Variants in CDK13 observed in about 807,000 individuals in gnomAD.
The protein encoded by CDK13 is cyclin-dependent kinase 13.
A neutral mutation model predicts 137.6 loss-of-function variants in CDK13; 40 were observed. The observed-to-expected ratio is 0.29, with a 90% CI of 0.23 to 0.38. The LOEUF is 0.38. CDK13 is among the 10% of genes least tolerant of loss of function. CDK13 has a pLI of 1.00. For missense variants in CDK13, 1,704 were observed against 1,951.8 expected, an observed-to-expected ratio of 0.87 and a Z score of 2.39; for synonymous variants, 869 against 760.1, an observed-to-expected ratio of 1.14 and a Z score of -2.36.
intron 7 of CDK13, among the ~76,000 whole-genome samples, chr7:40,053,760 T>C (rs1487940204): frequency 6.6e-6 from 1 of 151,540 alleles, no homozygotes; most frequent in African/African-American, 2.4e-5. Flanking sequence ...CATTTTTCTT[T>C]TTTTTTTTTA....
intron 1 of CDK13, among the ~76,000 whole-genome samples, chr7:39,972,516 C>T (rs1174167092): frequency 6.6e-6 from 1 of 152,188 alleles, no homozygotes; most frequent in Non-Finnish European, 1.5e-5. Context: ...TTGGTGATTT[C>T]TTTCTGTCTT....
chr7:40,008,718 G>GT lies in CDK13; in HGVS notation c.2353+6694dup, dbSNP rs374616866. 2.8e-3 allele frequency among the ~76,000 whole-genome samples: 431 copies of GT among 152,162 alleles called. 2 individuals are homozygous for GT. The highest frequency in any genetic ancestry group is 9.8e-3 in the African/African-American group (408 of 41,496). On this transcript the variant is annotated intron_variant, in intron 5 of 13. Coordinates refer to ENST00000181839, the MANE Select transcript of CDK13 (RefSeq NM_003718.5). ...CTAAAAAGAGAAATGAACTTGCAGG[G>GT]TTTTTTTAATTGAAAATAACATGTT...
intron 7 of CDK13, among the ~76,000 whole-genome samples, chr7:40,050,619 G>A (rs978802008): frequency 5.3e-5 from 8 of 152,096 alleles, no homozygotes; most frequent in Admixed American, 2.6e-4. Context: ...TCTCGAACTC[G>A]TGACCACAAG....
chr7:39,979,502 C>A (rs946326833), intron 1 of CDK13, among the ~76,000 whole-genome samples: 27 of 152,084 alleles, frequency 1.8e-4, no homozygotes, highest in Admixed American at 1.6e-3. Flanking sequence ...AGGTCTGAGC[C>A]ACCACACGTG....
At chr7:40,020,077 A>T (rs1017770425) in intron 5 of CDK13, among the ~76,000 whole-genome samples, 1 of 151,638 alleles carries the variant, frequency 6.6e-6, no homozygotes, top group Non-Finnish European at 1.5e-5. Flanking sequence ...ACTTTATTTT[A>T]TTTTTTTTGA....
At chr7:40,068,865 C>A (rs1786346734) in intron 9 of CDK13, among the ~76,000 whole-genome samples, 1 of 151,954 alleles carries the variant, frequency 6.6e-6, no homozygotes. Context: ...TTCAAGAAGA[C>A]TAGGGAGGAG....
intron 5 of CDK13, among the ~76,000 whole-genome samples, chr7:40,004,864 G>T (rs779758899): frequency 4.6e-5 from 7 of 152,164 alleles, no homozygotes; most frequent in African/African-American, 1.4e-4. Flanking sequence ...GCTATTAGTT[G>T]TGTAAGAGAA....
chr7:39,991,221 G>A (rs1269018909), intron 2 of CDK13, among the ~76,000 whole-genome samples: 1 of 152,038 alleles, frequency 6.6e-6, no homozygotes, highest in Non-Finnish European at 1.5e-5. Flanking sequence ...AGTTGAAAGT[G>A]GTTTATAAAC....
At chr7:39,976,319 TCTCTCACACACACA>T (rs1784107469) in intron 1 of CDK13, among the ~76,000 whole-genome samples, 1 of 54,288 alleles carries the variant, frequency 1.8e-5, no homozygotes. Context: ...TCTCTCTCTC[TCTCTCACACACACA>T]CACACACACA....
intron 1 of CDK13, among the ~76,000 whole-genome samples, chr7:39,979,892 G>T (rs988415843): frequency 6.6e-6 from 1 of 152,148 alleles, no homozygotes; most frequent in Non-Finnish European, 1.5e-5. Flanking sequence ...TAGAGGCCCA[G>T]GTGATGTAAG....
intron 5 of CDK13, among the ~76,000 whole-genome samples, chr7:40,008,275 A>G (rs1471083648): frequency 6.6e-6 from 1 of 152,224 alleles, no homozygotes; most frequent in African/African-American, 2.4e-5. Flanking sequence ...TAACTGCACT[A>G]TTCATGTTCC....
At chr7:39,966,551 C>T (rs1390620436) in intron 1 of CDK13, among the ~76,000 whole-genome samples, 2 of 152,088 alleles carry the variant, frequency 1.3e-5, no homozygotes, top group South Asian at 2.1e-4. Context: ...GCCATGGGTT[C>T]GAATTTCCTC....
intron 5 of CDK13, among the ~76,000 whole-genome samples, chr7:40,003,206 A>ACACACACTCTCT (rs374470130): frequency 1.3e-4 from 10 of 79,902 alleles, no homozygotes; most frequent in African/African-American, 4.7e-4. Flanking sequence ...ACACACACAC[A>ACACACACTCTCT]CTCTCTCTCT....
intron 5 of CDK13, among the ~76,000 whole-genome samples, chr7:40,032,923 C>A (rs1054187934): frequency 6.6e-6 from 1 of 152,174 alleles, no homozygotes; most frequent in Non-Finnish European, 1.5e-5. Context: ...ATAATCCACA[C>A]AATAACTTGC....
chr7:39,951,944 C>G, intron 1 of CDK13, 92 bp downstream of exon 1: 1 of 1,243,650 alleles, frequency 8.0e-7, no homozygotes, highest in South Asian at 3.4e-5. Flanking sequence ...CTCAGAACGA[C>G]TCAGGTCCAC....
intron 9 of CDK13, among the ~76,000 whole-genome samples, chr7:40,063,954 C>G (rs1786214023): frequency 6.6e-6 from 1 of 152,092 alleles, no homozygotes; most frequent in Non-Finnish European, 1.5e-5. Flanking sequence ...GCCACCTCAT[C>G]CAGCCCGTCT....
intron 1 of CDK13, among the ~76,000 whole-genome samples, chr7:39,968,065 C>T (rs533718500): frequency 6.6e-6 from 1 of 152,120 alleles, no homozygotes; most frequent in South Asian, 2.1e-4. Flanking sequence ...TATTTAGGTC[C>T]TTTGCCCGTT....
At position 39,987,616 on chromosome 7, in the gene CDK13, G is replaced by A. The variant is rs17496261; in HGVS notation, c.1229G>A (p.Arg410Gln). Residue 410 changes from arginine (R) to glutamine (Q), a missense_variant, in exon 2 of 14, where the codon CGA becomes CAA. By Grantham distance (43) the Arg-to-Gln change is conservative. Around this residue, in one of 5 missense-constraint regions of CDK13, gnomAD observed 1,051 missense variants for 931.0 expected, o/e 1.13. Coordinates refer to ENST00000181839, the MANE Select transcript of CDK13 (RefSeq NM_003718.5). ...CTCACCAGACGGTCTGGAAAATCCC[G>A]AAGCAGAAGCCCGTATTCATCTAGG... The part of the protein sequence containing the change: ...SPVLRRSGKS[R>Q]SRSPYSSRHS... 2.5e-6 allele frequency: 4 copies of A among 1,587,796 alleles called. No homozygotes were observed. Among genetic ancestry groups the A allele is most frequent in the East Asian group, 2.2e-5 (1 of 44,626 alleles).
intron 5 of CDK13, among the ~76,000 whole-genome samples, chr7:40,004,812 A>G (rs932360754): frequency 1.3e-5 from 2 of 152,240 alleles, no homozygotes; most frequent in Admixed American, 1.3e-4. Flanking sequence ...AAAAATATTA[A>G]CTTTTAAAAA....
Sources: gnomAD v4.1 joint callset for allele counts (sites outside exome capture counted in the v4.1 genomes callset) on GRCh38, gnomAD v4.1.1 for gene constraint, gnomAD v4.1.1 regional missense constraint, MANE v1.5 for transcripts, NCBI Gene and HGNC (gene_info 2026-07-23, HGNC 2026-07-21) for gene names.